The following TRPM3 variants were observed in gnomAD, a reference collection of about 807,000 sequenced individuals.
The protein encoded by TRPM3 is transient receptor potential cation channel subfamily M member 3, also known as long transient receptor potential channel 3.
A neutral mutation model predicts 181.2 loss-of-function variants in TRPM3; 77 were observed. The ratio of observed to expected loss-of-function variants is 0.42; its 90% CI spans 0.35 to 0.51. TRPM3 has a LOEUF of 0.51. Among genes scored for constraint, TRPM3 ranks in the 20% least tolerant of loss-of-function variants. The pLI is 0.01. For missense variants in TRPM3, 1,759 were observed against 2,196.7 expected, an observed-to-expected ratio of 0.80 and a Z score of 3.98; for synonymous variants, 745 against 796.4, an observed-to-expected ratio of 0.94 and a Z score of 1.09.
At chr9:71,226,197 A>G (rs1250022217) in intron 1 of TRPM3, among the ~76,000 whole-genome samples, 1 of 152,036 alleles carries the variant, frequency 6.6e-6, no homozygotes, top group Non-Finnish European at 1.5e-5. Context: ...CACAAAAAAT[A>G]AAAAGCAAGA....
At chr9:71,236,513 A>T (rs1023963464) in intron 1 of TRPM3, among the ~76,000 whole-genome samples, 1 of 152,144 alleles carries the variant, frequency 6.6e-6, no homozygotes, top group African/African-American at 2.4e-5. Context: ...ACTTAATAGG[A>T]ATCAAAAGAA....
chr9:71,211,252 G>T (rs749898558), intron 1 of TRPM3, among the ~76,000 whole-genome samples: 2 of 152,022 alleles, frequency 1.3e-5, no homozygotes, highest in Non-Finnish European at 2.9e-5. Context: ...GTTTCTCAAT[G>T]GTACCTAGAA....
intron 1 of TRPM3, among the ~76,000 whole-genome samples, chr9:71,099,401 G>A (rs1014287751): frequency 2.0e-5 from 3 of 152,124 alleles, no homozygotes; most frequent in Non-Finnish European, 4.4e-5. Flanking sequence ...TACACATTCA[G>A]ACCATATCAG....
intron 1 of TRPM3, among the ~76,000 whole-genome samples, chr9:71,033,507 A>T (rs1184029017): frequency 1.3e-5 from 2 of 152,194 alleles, no homozygotes; most frequent in Non-Finnish European, 2.9e-5. Flanking sequence ...AATAATAGAC[A>T]CTGAAATAAA....
At chr9:71,134,014 TGC>T (rs373984405) in intron 1 of TRPM3, among the ~76,000 whole-genome samples, 2 of 140,038 alleles carry the variant, frequency 1.4e-5, no homozygotes, top group African/African-American at 5.2e-5. Flanking sequence ...TGTGTGTGTG[TGC>T]GCGTGCGCGC....
At chr9:70,869,063 C>T (rs2095725137) in intron 1 of TRPM3, 1 of 985,076 alleles carries the variant, frequency 1.0e-6, no homozygotes, top group Admixed American at 6.2e-5. Flanking sequence ...GCAGCTAGGG[C>T]TGGTCATTCC....
At chr9:70,995,011 AACC>A (rs1265329236) in intron 1 of TRPM3, among the ~76,000 whole-genome samples, 2 of 152,190 alleles carry the variant, frequency 1.3e-5, no homozygotes. Context: ...CTGGATCAAC[AACC>A]ACAAGTCACA....
At chr9:70,854,577 T>C (rs896807774) in intron 3 of TRPM3, among the ~76,000 whole-genome samples, 10 of 152,200 alleles carry the variant, frequency 6.6e-5, no homozygotes, top group African/African-American at 2.4e-4. Flanking sequence ...CTTGGAGTTA[T>C]CTGGGGAGTG....
At chr9:70,792,065 A>G (rs1438046188) in intron 6 of TRPM3, among the ~76,000 whole-genome samples, 1 of 152,094 alleles carries the variant, frequency 6.6e-6, no homozygotes, top group Non-Finnish European at 1.5e-5. Flanking sequence ...GTGTACTGAA[A>G]ACTCTCATGG....
At chr9:70,564,215 A>G (rs1484102523) in intron 22 of TRPM3, among the ~76,000 whole-genome samples, 1 of 152,186 alleles carries the variant, frequency 6.6e-6, no homozygotes, top group Non-Finnish European at 1.5e-5. Flanking sequence ...ATAGGATTAG[A>G]TAAGTTCTTT....
intron 1 of TRPM3, among the ~76,000 whole-genome samples, chr9:71,103,650 G>A (rs998495310): frequency 6.6e-6 from 1 of 152,128 alleles, no homozygotes; most frequent in African/African-American, 2.4e-5. Context: ...AAGTAAATGT[G>A]GATGGATAGG....
rs140214185 is a variant in TRPM3, at chr9:70,985,807, A to C, written c.178-121296T>G. Reference sequence around the variant, plus strand: ...GCAGAATATAATAAATCTTTTATAAAAAGACTAACAAAGCCATGAGTTGGA... The same window carrying C: ...GCAGAATATAATAAATCTTTTATAACAAGACTAACAAAGCCATGAGTTGGA... On this transcript the variant is annotated intron_variant, in intron 1 of 25. Transcript: ENST00000677713. Among the ~76,000 whole-genome samples the C allele has an allele frequency of 4.4e-4, 67 of 152,306 alleles. 1 individual carries two copies. The highest frequency in any genetic ancestry group is 1.5e-3 in the African/African-American group (64 of 41,568).
At chr9:71,154,090 G>C (rs1359764183) in intron 1 of TRPM3, among the ~76,000 whole-genome samples, 2 of 152,090 alleles carry the variant, frequency 1.3e-5, no homozygotes, top group African/African-American at 4.8e-5. Flanking sequence ...AAAACCTTTG[G>C]AGTTTATGAT....
chr9:70,831,410 T>TTG (rs1171217918), intron 5 of TRPM3, among the ~76,000 whole-genome samples: 3 of 149,876 alleles, frequency 2.0e-5, no homozygotes, highest in South Asian at 2.1e-4. Flanking sequence ...TTTTTTGGAA[T>TTG]TGTGTGTGTG....
chr9:71,055,603 A>C (rs534526925), intron 1 of TRPM3, among the ~76,000 whole-genome samples: 2 of 152,172 alleles, frequency 1.3e-5, no homozygotes, highest in African/African-American at 4.8e-5. Context: ...TCAGAATTCA[A>C]ATACATACCT....
At position 70,531,773 on chromosome 9, in the gene TRPM3, G is replaced by A. The variant is rs1343232135; in HGVS notation, c.*4180C>T. 6.6e-6 allele frequency: 1 copy of A among 152,114 alleles called. No individual in the cohort carries two copies. The highest frequency in any genetic ancestry group is 2.4e-5 in the African/African-American group (1 of 41,388). The allele number at this position is 152,114 out of a possible 1,614,324, so 9.4% of individuals were successfully genotyped here. On this transcript the variant is annotated 3_prime_UTR_variant, in exon 26 of 26. Coordinates refer to ENST00000677713, the MANE Select transcript of TRPM3 (RefSeq NM_001366145.2). ...ATATAGTCTTTTGCATAACATGCCA[G>A]TTCATCTTTCACAAAATCACAACTT...
chr9:70,562,054 C>T (rs2049238255), intron 22 of TRPM3, among the ~76,000 whole-genome samples: 1 of 152,186 alleles, frequency 6.6e-6, no homozygotes, highest in Non-Finnish European at 1.5e-5. Flanking sequence ...TGGTTATCCT[C>T]TATTTATGTC....
At chr9:70,592,622 C>T (rs2058312103) in intron 21 of TRPM3, among the ~76,000 whole-genome samples, 1 of 152,126 alleles carries the variant, frequency 6.6e-6, no homozygotes. Context: ...AAGACTTTCT[C>T]TTAGATACCA....
At chr9:70,883,049 A>G (rs1460030405) in intron 1 of TRPM3, among the ~76,000 whole-genome samples, 1 of 152,204 alleles carries the variant, frequency 6.6e-6, no homozygotes, top group African/African-American at 2.4e-5. Context: ...AAACTTGAAA[A>G]TGATATATAT....
Sources: allele counts gnomAD v4.1 joint callset (sites outside exome capture counted in the v4.1 genomes callset), GRCh38; gene constraint gnomAD v4.1.1; transcripts MANE v1.5; gene names NCBI Gene and HGNC (gene_info 2026-07-23, HGNC 2026-07-21).